MUC4: variants seen among roughly 807,000 people sequenced by gnomAD.
The protein encoded by MUC4 is mucin-4.
Under a neutral mutation model 257.9 loss-of-function variants are expected in MUC4, and 202 were observed. The observed-to-expected ratio is 0.78, with a 90% CI of 0.70 to 0.88. MUC4 has a LOEUF of 0.88. Among genes scored for constraint, MUC4 ranks in the 40% least tolerant of loss-of-function variants. MUC4 has a pLI of 0.00. For missense variants in MUC4, 5,976 were observed against 6,513.7 expected, an observed-to-expected ratio of 0.92 and a Z score of 2.84; for synonymous variants, 2,351 against 2,757.1, an observed-to-expected ratio of 0.85 and a Z score of 4.62.
At chr3:195,764,190 G>T in intron 10 of MUC4, 26 bp from the exon 11 acceptor site, 1 of 1,552,958 alleles carries the variant, frequency 6.4e-7, no homozygotes, top group Non-Finnish European at 8.7e-7. Flanking sequence ...GTGAGTCGGG[G>T]AGGTTGAGGA....
At chr3:195,771,874 A>C (rs1722955740) in intron 4 of MUC4, 58 bp from the exon 5 acceptor site, 3 of 1,580,218 alleles carry the variant, frequency 1.9e-6, no homozygotes, top group African/African-American at 1.3e-5. Flanking sequence ...GGAAAGTCCC[A>C]GCCTTGGTCC....
Position 195,780,277 on chromosome 3 carries a change from G to A in MUC4, c.11303C>T (p.Ser3768Leu), listed in dbSNP as rs1327244858. 2.6e-6 allele frequency: 4 copies of A among 1,530,326 alleles called. No homozygotes were observed. The highest frequency in any genetic ancestry group is 2.4e-5 in the South Asian group (2 of 83,148). The allele number at this position is 1,530,326 out of a possible 1,614,324, so 94.8% of individuals were successfully genotyped here. A position where few individuals can be genotyped will look rare whatever the true frequency, so the allele number is the denominator to read the frequency against. Residue 3768 changes from serine (S) to leucine (L), a missense_variant, in exon 2 of 25, where the codon TCA (serine) becomes TTA (leucine). By Grantham distance (145) the Ser-to-Leu change is moderately radical. Around this residue, in one of 44 missense-constraint regions of MUC4, gnomAD observed 330 missense variants for 262.0 expected, o/e 1.26. Coordinates refer to ENST00000463781, the MANE Select transcript of MUC4 (RefSeq NM_018406.7). Reference protein sequence around the residue: ...ATPLLVTDASSVSTGHATPLP... With the variant: ...ATPLLVTDASLVSTGHATPLP... Reference sequence around the variant, plus strand: ...AGGCGTGGCGTGACCTGTGGACACTGAGGAAGCGTCGGTGACAAGAAGAGG... The same window carrying A: ...AGGCGTGGCGTGACCTGTGGACACTAAGGAAGCGTCGGTGACAAGAAGAGG...
In MUC4 at chr3:195,789,598, G is replaced by A; in HGVS notation, c.1982C>T (p.Thr661Ile). The A allele has an allele frequency of 6.2e-7, 1 of 1,613,948 alleles. No homozygotes were observed. Among genetic ancestry groups the A allele is most frequent in the Non-Finnish European group, 8.5e-7 (1 of 1,179,862 alleles). The change falls in exon 2 of 25, where the codon ACC becomes ATC. Residue 661 changes from threonine (T) to isoleucine (I), a missense_variant. Around this residue, in one of 44 missense-constraint regions of MUC4, gnomAD observed 1,583 missense variants for 1,257.4 expected, o/e 1.26. Transcript: ENST00000463781. Reference sequence around the variant, plus strand: ...AGAACCTGGGGTGGTGACTGTCTTGGTGTCAGTCATGGGGGAGACGGACCT... The same window carrying A: ...AGAACCTGGGGTGGTGACTGTCTTGATGTCAGTCATGGGGGAGACGGACCT... ...TTRSVSPMTD[T>I]KTVTTPGSSF...
At position 195,757,571 on chromosome 3, in the gene MUC4, C is replaced by A. The variant is rs183380376; in HGVS notation, c.14987-243G>T. 4.1e-4 allele frequency among the ~76,000 whole-genome samples: 63 copies of A among 152,276 alleles called. No individual in the cohort carries two copies. The highest frequency in any genetic ancestry group is 8.3e-4 in the South Asian group (4 of 4,822). On this transcript the variant is annotated intron_variant, in intron 17 of 24. Coordinates refer to ENST00000463781, the MANE Select transcript of MUC4 (RefSeq NM_018406.7). The surrounding 1 kb of genome is among the most constrained non-coding windows in gnomAD (Gnocchi z 4.8). ...GCGGGGAACGCCACAGAGGGGAAAG[C>A]AGTTTCCTCCTGAAGAAACCCCAAA... is the stretch of plus-strand genomic sequence containing the variant.
chr3:195,762,814 T>C, intron 13 of MUC4, 41 bp downstream of exon 13: 5 of 1,428,144 alleles, frequency 3.5e-6, no homozygotes, highest in Non-Finnish European at 4.7e-6. Context: ...ACCTCGCTGC[T>C]CCCGGTGCGG....
Position 195,778,986 on chromosome 3 carries a change from AGTGT to A in MUC4, c.12590_12593del (p.Asp4197ValfsTer61). On this transcript the variant is annotated frameshift_variant, in exon 2 of 25. Coordinates refer to ENST00000463781, the MANE Select transcript of MUC4 (RefSeq NM_018406.7). LOFTEE classifies it high-confidence loss of function. The stretch of plus-strand genomic sequence containing the variant: ...TGGCGTGACCTGTGGATGCTGAGGA[AGTGT>A]CGGTGACAGGAAGAGGGGTGGTGTC... The A allele has an allele frequency of 7.3e-7, 1 of 1,376,028 alleles. No homozygotes were observed. Among genetic ancestry groups the A allele is most frequent in the African/African-American group, 1.4e-5 (1 of 70,898 alleles). 85.2% of individuals were successfully genotyped at this position (1,376,028 alleles called of 1,614,324 possible).
rs1717414383 is a variant in MUC4 at position 195,755,161 on chromosome 3, C to T, written c.15169-789G>A. Among the ~76,000 whole-genome samples the T allele has an allele frequency of 6.6e-6, 1 of 151,978 alleles. No homozygotes were observed. Among genetic ancestry groups the T allele is most frequent in the African/African-American group, 2.4e-5 (1 of 41,376 alleles). On this transcript the variant is annotated intron_variant, in intron 18 of 24. Coordinates refer to ENST00000463781, the MANE Select transcript of MUC4 (RefSeq NM_018406.7). This position sits in a 1 kb window ranked among gnomAD's most constrained non-coding sequence, Gnocchi z 5.0. Reference sequence around the variant, plus strand: ...CCTCCCGAGGAGCTGGGGCTACAGGCATGCACCACCACGCCCACTAATTTT... The same window carrying T: ...CCTCCCGAGGAGCTGGGGCTACAGGTATGCACCACCACGCCCACTAATTTT...
intron 18 of MUC4, among the ~76,000 whole-genome samples, chr3:195,754,909 G>A (rs114092211): frequency 0.69 from 95,236 of 137,816 alleles, 31,230 homozygotes; most frequent in East Asian, 0.8. Context: ...ATGTATGTGT[G>A]TGTCATGCAT....
At chr3:195,767,870 A>G (rs1360720864) in intron 7 of MUC4, among the ~76,000 whole-genome samples, 36 of 140,878 alleles carry the variant, frequency 2.6e-4, no homozygotes, top group South Asian at 6.6e-4. Flanking sequence ...CCCCAACACC[A>G]CCACCATCAC....
chr3:195,788,494 T>C lies in MUC4; in HGVS notation c.3086A>G (p.Asp1029Gly), dbSNP rs564069003. The change falls in exon 2 of 25, where the codon GAC (aspartate) becomes GGC (glycine). Residue 1029 changes from aspartate (D) to glycine (G), a missense_variant. Physicochemically the swap from Asp to Gly is moderately conservative, Grantham distance 94 (BLOSUM62 -1). Transcript: ENST00000463781. ...TGHTTPLPVT[D>G]TSSESTGHVT... ...GTGACCTGTGGATTCTGAGGAAGTG[T>C]CGGTGACAGGAAGAGGGGTGGTGTG... 3.6e-5 allele frequency: 49 copies of C among 1,357,964 alleles called. No homozygotes were observed. The highest frequency in any genetic ancestry group is 4.5e-5 in the Non-Finnish European group (47 of 1,041,880). 84.1% of individuals were successfully genotyped at this position (1,357,964 alleles called of 1,614,324 possible).
chr3:195,778,036 T>G (rs1412709191), intron 3 of MUC4, among the ~76,000 whole-genome samples: 1 of 152,194 alleles, frequency 6.6e-6, no homozygotes, highest in Non-Finnish European at 1.5e-5. Context: ...TGTGTGCACT[T>G]AGACCCTGGG....
rs773690397 is a variant in MUC4 at position 195,783,567 on chromosome 3, C to A, written c.8013G>T (p.Thr2671=). ...AGGAAGGGCTAGTGACAGGAAGAGG[C>A]GTGGTGTCACCTGTGGATACTGAGG... ...SLSSVSTGDT[T]PLPVTSPSSA... Residue 2671 remains threonine (T), a synonymous_variant, in exon 2 of 25, where the codon ACG becomes ACT. Transcript: ENST00000463781. The A allele has an allele frequency of 2.1e-4, 17 of 81,494 alleles. 3 individuals carry two copies. The highest frequency in any genetic ancestry group is 1.6e-3 in the South Asian group (14 of 8,804). 5.0% of individuals were successfully genotyped at this position (81,494 alleles called of 1,614,324 possible).
At chr3:195,805,408 T>G (rs1047557235) in intron 1 of MUC4, among the ~76,000 whole-genome samples, 1 of 151,722 alleles carries the variant, frequency 6.6e-6, no homozygotes, top group Non-Finnish European at 1.5e-5. Context: ...CCCCAACGCC[T>G]CCTTCTCGGA....
Position 195,789,665 on chromosome 3 carries a change from G to C in MUC4, c.1915C>G (p.His639Asp). The C allele has an allele frequency of 6.2e-7, 1 of 1,614,004 alleles. No individual in the cohort carries two copies. The highest frequency in any genetic ancestry group is 8.5e-7 in the Non-Finnish European group (1 of 1,179,892). The change falls in exon 2 of 25, where the codon CAC (histidine) becomes GAC (aspartate). Residue 639 changes from histidine to aspartate, a missense_variant. Transcript: ENST00000463781. ...TGTGTGGTCTGCGGGGCTTGAGTGT[G>C]ACCCCTTTGGGAAACAGCTGGTGAT... is the stretch of plus-strand genomic sequence containing the variant. ...QESPAVSQRG[H>D]TQAPQTTQES...
intron 1 of MUC4, 92 bp from the exon 2 acceptor site, chr3:195,791,589 A>G (rs2149043187): frequency 2.5e-6 from 2 of 794,926 alleles, no homozygotes; most frequent in South Asian, 3.5e-5. Context: ...ACCTAGGAAT[A>G]CAGCTAACAA....
In MUC4 at chr3:195,783,160, G is replaced by A. The variant is rs758745503; in HGVS notation, c.8420C>T (p.Ser2807Leu). 1.3e-4 allele frequency: 180 copies of A among 1,439,390 alleles called. 35 individuals are homozygous for A. The highest frequency in any genetic ancestry group is 1.8e-4 in the Admixed American group (9 of 48,848). The allele number at this position is 1,439,390 out of a possible 1,614,324, so 89.2% of individuals were successfully genotyped here. ...GGTGGCGTGACCTGTGGACACTGAC[G>A]AAGCGTCGGTGACAGGAAGAGGGGT... ...HTTPLPVTDA[S>L]SVSTGHATSL... Residue 2807 changes from serine to leucine, a missense_variant, in exon 2 of 25, where the codon TCG (serine) becomes TTG (leucine). Physicochemically the swap from Ser to Leu is moderately radical, Grantham distance 145 (BLOSUM62 -2). This residue lies in a region of MUC4 where 228 missense variants were observed against 206.3 expected (regional missense o/e 1.11). Coordinates refer to ENST00000463781, the MANE Select transcript of MUC4 (RefSeq NM_018406.7).
At chr3:195,747,508 A>G in intron 24 of MUC4, 128 bp from the exon 25 acceptor site, 1 of 1,140,620 alleles carries the variant, frequency 8.8e-7, no homozygotes, top group Non-Finnish European at 1.3e-6. Flanking sequence ...GGAGAGACTG[A>G]GTCAGCCCTG....
chr3:195,772,764 C>CTCTCCATCGCTCAGGGGTGTAGATACCCT (rs1723298190), intron 4 of MUC4, among the ~76,000 whole-genome samples: 1 of 54,904 alleles, frequency 1.8e-5, no homozygotes, highest in Non-Finnish European at 3.9e-5. Context: ...GTAGACACCC[C>CTCTCCATCGCTCAGGGGTGTAGATACCCT]CTCTCCATCG....
In MUC4 at chr3:195,810,430, C is replaced by G. The variant is rs1736551443; in HGVS notation, c.82+1306G>C. 6.5e-6 allele frequency: 1 copy of G among 152,724 alleles called. No individual in the cohort carries two copies. The highest frequency in any genetic ancestry group is 2.4e-5 in the African/African-American group (1 of 41,478). 9.5% of individuals were successfully genotyped at this position (152,724 alleles called of 1,614,324 possible). On this transcript the variant is annotated intron_variant, in intron 1 of 24. Coordinates refer to ENST00000463781, the MANE Select transcript of MUC4 (RefSeq NM_018406.7). The surrounding 1 kb of genome is among the most constrained non-coding windows in gnomAD (Gnocchi z 4.2). The stretch of plus-strand genomic sequence containing the variant: ...AGACACCCAGAAACACAGAATAAAA[C>G]TTGGTCCTGAAGCCAGAGGGACAGC...
Sources: allele counts gnomAD v4.1 joint callset (sites outside exome capture counted in the v4.1 genomes callset), GRCh38; gene constraint gnomAD v4.1.1; regional missense constraint gnomAD v4.1.1; non-coding constraint Gnocchi (gnomAD v3.1); transcripts MANE v1.5; gene names NCBI Gene and HGNC (gene_info 2026-07-23, HGNC 2026-07-21).